Variants in KIAA0232 observed in about 807,000 individuals in gnomAD.
KIAA0232 encodes uncharacterized protein KIAA0232.
Under a neutral mutation model 122.0 loss-of-function variants are expected in KIAA0232, and 27 were observed. That is an observed-to-expected ratio of 0.22 (90% CI 0.16 to 0.31). The LOEUF (loss-of-function observed/expected upper bound fraction) is 0.31. KIAA0232 is among the 10% of genes least tolerant of loss of function. The probability of loss-of-function intolerance (pLI) is 1.00; values close to 1 mark genes in which losing one functional copy is unlikely to be tolerated. For synonymous variants in KIAA0232, 613 were observed against 587.6 expected (o/e 1.04, Z -0.63); for missense variants, 1,551 against 1,634.2 (o/e 0.95, Z 0.88).
intron 3 of KIAA0232, among the ~76,000 whole-genome samples, chr4:6,831,311 C>T (rs991287833): frequency 6.6e-6 from 1 of 152,192 alleles, no homozygotes. Flanking sequence ...GCCTCGGCCT[C>T]CCAAAGCGCT....
At chr4:6,805,751 A>G (rs1717587134) in intron 2 of KIAA0232, among the ~76,000 whole-genome samples, 1 of 152,130 alleles carries the variant, frequency 6.6e-6, no homozygotes. Context: ...GGGTTTCATC[A>G]TGTTGGAGCT....
Position 6,836,523 on chromosome 4 carries a change from TTTTTCTTTTTTTTTTTTC to T in KIAA0232, c.232-5526_232-5509del, listed in dbSNP as rs529847974. On this transcript the variant is annotated intron_variant, in intron 3 of 9. Coordinates refer to ENST00000307659, the MANE Select transcript of KIAA0232 (RefSeq NM_014743.3). The stretch of plus-strand genomic sequence containing the variant: ...TAATTGTATTAAGGGTTGTTTGTCC[TTTTTCTTTTTTTTTTTTC>T]TTTTCTTTTTTTTTTTTTTAGTATT... 3.6e-3 allele frequency among the ~76,000 whole-genome samples: 545 copies of T among 149,702 alleles called. 1 individual carries two copies. The highest frequency in any genetic ancestry group is 6.3e-3 in the South Asian group (30 of 4,772).
intron 2 of KIAA0232, among the ~76,000 whole-genome samples, chr4:6,806,462 C>A (rs1036327747): frequency 6.6e-6 from 1 of 151,964 alleles, no homozygotes; most frequent in South Asian, 2.1e-4. Flanking sequence ...AGAGGCCTGG[C>A]GGTGGCTCAT....
chr4:6,792,695 G>GT (rs370810631), intron 1 of KIAA0232, among the ~76,000 whole-genome samples: 40,902 of 125,084 alleles, frequency 0.33, 7,111 homozygotes, highest in Non-Finnish European at 0.39. Flanking sequence ...TTTTTTTTTT[G>GT]TTTTTTTTTT....
At chr4:6,834,775 T>C (rs1719175328) in intron 3 of KIAA0232, among the ~76,000 whole-genome samples, 1 of 152,216 alleles carries the variant, frequency 6.6e-6, no homozygotes, top group Non-Finnish European at 1.5e-5. Flanking sequence ...GTAAAAATCT[T>C]TTGATGGTAC....
intron 3 of KIAA0232, among the ~76,000 whole-genome samples, chr4:6,836,546 C>CTTTTTTTTTTTTTTTTT (rs1173281370): frequency 1.3e-4 from 11 of 82,068 alleles, no homozygotes; most frequent in African/African-American, 2.7e-4. Flanking sequence ...TTTTTCTTTT[C>CTTTTTTTTTTTTTTTTT]TTTTTTTTTT....
chr4:6,841,669 A>G (rs1371765392), intron 3 of KIAA0232, among the ~76,000 whole-genome samples: 1 of 152,216 alleles, frequency 6.6e-6, no homozygotes, highest in Non-Finnish European at 1.5e-5. Context: ...AATATAGAGA[A>G]AATCCTAAGG....
chr4:6,872,189 ATGT>A (rs944452901), intron 8 of KIAA0232, among the ~76,000 whole-genome samples: 1 of 152,220 alleles, frequency 6.6e-6, no homozygotes, highest in Non-Finnish European at 1.5e-5. Flanking sequence ...TCAAGGTCAG[ATGT>A]TGTTTAGAAC....
At chr4:6,840,934 C>T (rs1051068541) in intron 3 of KIAA0232, among the ~76,000 whole-genome samples, 4 of 152,066 alleles carry the variant, frequency 2.6e-5, no homozygotes, top group Non-Finnish European at 4.4e-5. Context: ...CAATTCAATG[C>T]TGTTAAATTT....
chr4:6,811,371 C>T (rs531461219), intron 2 of KIAA0232, among the ~76,000 whole-genome samples: 6 of 152,308 alleles, frequency 3.9e-5, no homozygotes, highest in African/African-American at 1.2e-4. Flanking sequence ...ACATAGAAAG[C>T]CAGGTATTGC....
At chr4:6,783,825 G>C (rs907136305) in intron 1 of KIAA0232, among the ~76,000 whole-genome samples, 1 of 152,218 alleles carries the variant, frequency 6.6e-6, no homozygotes, top group African/African-American at 2.4e-5. Context: ...GGCGCCCCGA[G>C]TTGCTGCGGG....
At chr4:6,854,828 T>C (rs985795022) in intron 4 of KIAA0232, among the ~76,000 whole-genome samples, 3 of 152,216 alleles carry the variant, frequency 2.0e-5, no homozygotes, top group Admixed American at 2.0e-4. Flanking sequence ...TTTTTTAAGA[T>C]ACTATAGGCT....
At chr4:6,851,418 T>C (rs1194288426) in intron 4 of KIAA0232, among the ~76,000 whole-genome samples, 3 of 152,102 alleles carry the variant, frequency 2.0e-5, no homozygotes, top group Non-Finnish European at 4.4e-5. Flanking sequence ...TCATAAAAAA[T>C]AGGGTTTGCC....
At chr4:6,829,953 A>G (rs1267285436) in intron 3 of KIAA0232, among the ~76,000 whole-genome samples, 2 of 152,186 alleles carry the variant, frequency 1.3e-5, no homozygotes, top group Admixed American at 6.5e-5. Context: ...CTTTATAGCT[A>G]ATTAAACTAC....
At chr4:6,869,577 T>G (rs2108823922) in intron 7 of KIAA0232, among the ~76,000 whole-genome samples, 1 of 152,344 alleles carries the variant, frequency 6.6e-6, no homozygotes, top group African/African-American at 2.4e-5. Context: ...TAGCATCTGT[T>G]TATCTAATAG....
rs149124718 is a variant in KIAA0232 at position 6,872,065 on chromosome 4, C to T, written c.3910+383C>T. On this transcript the variant is annotated intron_variant, in intron 8 of 9. Transcript: ENST00000307659. ...TGGCTCAGCTGAGTTGTAGCTGACG[C>T]GGGAGAGACAGACAGGGCAGGAGCC... Among the ~76,000 whole-genome samples the T allele has an allele frequency of 9.6e-4, 146 of 152,136 alleles. 1 individual carries two copies. In the East Asian group the frequency reaches 0.021, roughly 22 times the overall value.
chr4:6,796,735 A>C (rs1560161799), intron 1 of KIAA0232, among the ~76,000 whole-genome samples: 1 of 152,178 alleles, frequency 6.6e-6, no homozygotes, highest in Non-Finnish European at 1.5e-5. Flanking sequence ...TGTAATCTTC[A>C]CTTAGTAAAA....
Position 6,861,364 on chromosome 4 carries a change from C to T in KIAA0232, c.982C>T (p.Arg328Trp), listed in dbSNP as rs77071827. The T allele has an allele frequency of 2.4e-5, 38 of 1,613,952 alleles. No individual in the cohort carries two copies. Among genetic ancestry groups the T allele is most frequent in the East Asian group, 4.5e-5 (2 of 44,870 alleles). Reference sequence around the variant, plus strand: ...ACGAGAGATTCGAAACAAAAAAGGGCGGAATGGGCAAAGCAGGCTTTCTTT... The same window carrying T: ...ACGAGAGATTCGAAACAAAAAAGGGTGGAATGGGCAAAGCAGGCTTTCTTT... Reference protein sequence around the residue: ...KAREIRNKKGRNGQSRLSLKH... With the variant: ...KAREIRNKKGWNGQSRLSLKH... The change falls in exon 7 of 10, where the codon CGG (arginine) becomes TGG (tryptophan). Residue 328 changes from arginine to tryptophan, a missense_variant. Physicochemically the swap from Arg to Trp is moderately radical, Grantham distance 101. Around this residue, in one of 5 missense-constraint regions of KIAA0232, gnomAD observed 377 missense variants for 381.7 expected, o/e 0.99. Transcript: ENST00000307659.
chr4:6,817,095 G>A (rs969859615), intron 2 of KIAA0232, among the ~76,000 whole-genome samples: 3 of 151,922 alleles, frequency 2.0e-5, no homozygotes, highest in East Asian at 1.9e-4. Flanking sequence ...TTTAGGCTTC[G>A]TTTGCTCTTC....
Sources: allele counts gnomAD v4.1 joint callset (sites outside exome capture counted in the v4.1 genomes callset), GRCh38; gene constraint gnomAD v4.1.1; regional missense constraint gnomAD v4.1.1; transcripts MANE v1.5; gene names NCBI Gene and HGNC (gene_info 2026-07-23, HGNC 2026-07-21).